The following PTK6 variants were observed in gnomAD, a reference collection of about 807,000 sequenced individuals.
PTK6 encodes the protein protein tyrosine kinase 6.
Under a neutral mutation model 47.5 loss-of-function variants are expected in PTK6, and 47 were observed. That is an observed-to-expected ratio of 0.99 (90% CI 0.78 to 1.26). The LOEUF (loss-of-function observed/expected upper bound fraction) is 1.26. Ranked by LOEUF, PTK6 falls within the 50% of genes most tolerant of loss-of-function variation. The pLI is 0.00. For synonymous variants in PTK6, 287 were observed against 276.5 expected (o/e 1.04, Z -0.38); for missense variants, 618 against 625.3 (o/e 0.99, Z 0.12).
chr20:63,530,175 T>G lies in PTK6; in HGVS notation c.1071A>C (p.Glu357Asp). 1 of 1,614,016 alleles carries G rather than the reference T, an allele frequency of 6.2e-7. No homozygotes were observed. The highest frequency in any genetic ancestry group is 8.5e-7 in the Non-Finnish European group (1 of 1,179,978). ...TGGAGTAATGGCCTCGGGAGAGCGC[T>G]TCAGGGGCCGTCCACTTGTAGGGGA... ...HNIPYKWTAPEALSRGHYSTK... is the reference protein window; with the variant it reads ...HNIPYKWTAPDALSRGHYSTK... Residue 357 changes from glutamate (E) to aspartate (D), a missense_variant, in exon 7 of 8, where the codon GAA becomes GAC. Coordinates refer to ENST00000542869, the MANE Select transcript of PTK6 (RefSeq NM_005975.4). This position sits in a 1 kb window ranked among gnomAD's most constrained non-coding sequence, Gnocchi z 4.1.
chr20:63,530,686 C>T lies in PTK6; in HGVS notation c.1014+60G>A, dbSNP rs1340891788. The T allele has an allele frequency of 1.9e-6, 3 of 1,564,592 alleles. No homozygotes were observed. The African/African-American group carries it at 4.1e-5, about 21-fold the overall frequency. On this transcript the variant is annotated intron_variant, in intron 6 of 7. Coordinates refer to ENST00000542869, the MANE Select transcript of PTK6 (RefSeq NM_005975.4). This position sits in a 1 kb window ranked among gnomAD's most constrained non-coding sequence, Gnocchi z 4.1. ...AGTCCCCAGCTCCACACACAGGAAGCCCCCAGCCCTCCGGCCACGCCCCGG... is the reference window on the plus strand; with the variant it reads ...AGTCCCCAGCTCCACACACAGGAAGTCCCCAGCCCTCCGGCCACGCCCCGG...
At position 63,530,586 on chromosome 20, in the gene PTK6, G is replaced by A. The variant is rs555308103; in HGVS notation, c.1014+160C>T. Among the ~76,000 whole-genome samples the A allele has an allele frequency of 6.6e-5, 10 of 152,270 alleles. No individual in the cohort carries two copies. The highest frequency in any genetic ancestry group is 1.9e-4 in the East Asian group (1 of 5,172). On this transcript the variant is annotated intron_variant, in intron 6 of 7. Coordinates refer to ENST00000542869, the MANE Select transcript of PTK6 (RefSeq NM_005975.4). The surrounding 1 kb of genome is among the most constrained non-coding windows in gnomAD (Gnocchi z 4.1). ...TGCCATTCAGAATGGGGGCCCCACCGGACTCACGGTGGCTTCCCACCTCCC... is the reference window on the plus strand; with the variant it reads ...TGCCATTCAGAATGGGGGCCCCACCAGACTCACGGTGGCTTCCCACCTCCC...
At chr20:63,534,342 G>A (rs1210962466) in intron 2 of PTK6, 27 bp from the exon 3 acceptor site, 4 of 1,573,918 alleles carry the variant, frequency 2.5e-6, no homozygotes, top group Non-Finnish European at 3.4e-6. Flanking sequence ...GAGCTGTGTG[G>A]CCACCCCAAC....
Position 63,530,069 on chromosome 20 carries a change from G to A in PTK6, c.1168+9C>T, listed in dbSNP as rs6011874. On this transcript the variant is annotated intron_variant, in intron 7 of 7. Transcript: ENST00000542869. This position sits in a 1 kb window ranked among gnomAD's most constrained non-coding sequence, Gnocchi z 4.1. ...TCTCATGCCCAGTCAGGGACAGTGG[G>A]GACAGTACCTGGGTAGGGCACCTGA... 0.03 allele frequency: 49,070 copies of A among 1,613,226 alleles called. 1,100 individuals are homozygous for A. Among genetic ancestry groups the A allele is most frequent in the African/African-American group, 0.11 (7,969 of 75,040 alleles).
chr20:63,531,538 C>T (rs1303864154), intron 5 of PTK6, among the ~76,000 whole-genome samples: 1 of 148,768 alleles, frequency 6.7e-6, no homozygotes. Flanking sequence ...TCATTTGAAC[C>T]CAGGAGGTGG....
Position 63,535,078 on chromosome 20 carries a change from A to G in PTK6, c.231-19T>C, listed in dbSNP as rs1454522565. On this transcript the variant is annotated intron_variant, in intron 1 of 7. Transcript: ENST00000542869. ...GAACCACCTGCAGGGGAGGAGTCTG[A>G]GAACACGCGGACCTGGGCCCACCCC... The G allele has an allele frequency of 3.2e-6, 5 of 1,582,942 alleles. No homozygotes were observed. Among genetic ancestry groups the G allele is most frequent in the Non-Finnish European group, 3.5e-6 (4 of 1,158,420 alleles).
At position 63,529,878 on chromosome 20, in the gene PTK6, T is replaced by C. The variant is rs2082604128; in HGVS notation, c.1169-155A>G. ...CAGCACACTGTCCACTGCTAACACC[T>C]CCCTCTGGACAGGGCTCCAACAGGC... On this transcript the variant is annotated intron_variant, in intron 7 of 7. Transcript: ENST00000542869. The surrounding 1 kb of genome is among the most constrained non-coding windows in gnomAD (Gnocchi z 5.6). 6.6e-6 allele frequency among the ~76,000 whole-genome samples: 1 copy of C among 152,024 alleles called. No individual in the cohort carries two copies. Among genetic ancestry groups the C allele is most frequent in the Admixed American group, 6.5e-5 (1 of 15,268 alleles).
chr20:63,529,470 C>G lies in PTK6; in HGVS notation c.*66G>C. Reference sequence around the variant, plus strand: ...CCAGGGAAGCGCGTGGGCCTTGATCCCAGGTCCAGGCCCTCTGCCCAGGCC... The same window carrying G: ...CCAGGGAAGCGCGTGGGCCTTGATCGCAGGTCCAGGCCCTCTGCCCAGGCC... On this transcript the variant is annotated 3_prime_UTR_variant, in exon 8 of 8. Coordinates refer to ENST00000542869, the MANE Select transcript of PTK6 (RefSeq NM_005975.4). This position sits in a 1 kb window ranked among gnomAD's most constrained non-coding sequence, Gnocchi z 5.6. 6.9e-7 allele frequency: 1 copy of G among 1,446,222 alleles called. No individual in the cohort carries two copies. The highest frequency in any genetic ancestry group is 9.1e-7 in the Non-Finnish European group (1 of 1,093,134). 89.6% of individuals were successfully genotyped at this position (1,446,222 alleles called of 1,614,324 possible). A position where few individuals can be genotyped will look rare whatever the true frequency, so the allele number is the denominator to read the frequency against.
intron 5 of PTK6, 102 bp from the exon 6 acceptor site, chr20:63,531,029 G>A (rs962775816): frequency 1.5e-5 from 17 of 1,143,920 alleles, no homozygotes; most frequent in East Asian, 2.8e-5. Context: ...CAAGCTCTGC[G>A]GGCTCAGAGG....
Position 63,530,283 on chromosome 20 carries a change from C to A in PTK6, c.1015-52G>T, listed in dbSNP as rs943515536. ...CCGTGGGGGCTGCCTGTGCCCTGCC[C>A]CCGAAGCATGGACGGGCACAGCGGC... On this transcript the variant is annotated intron_variant, in intron 6 of 7. Coordinates refer to ENST00000542869, the MANE Select transcript of PTK6 (RefSeq NM_005975.4). This position sits in a 1 kb window ranked among gnomAD's most constrained non-coding sequence, Gnocchi z 4.1. 1.3e-6 allele frequency: 2 copies of A among 1,599,738 alleles called. No individual in the cohort carries two copies. The highest frequency in any genetic ancestry group is 1.7e-5 in the Admixed American group (1 of 59,560).
intron 1 of PTK6, among the ~76,000 whole-genome samples, chr20:63,536,176 A>G (rs868771719): frequency 0.041 from 274 of 6,680 alleles, no homozygotes; most frequent in Middle Eastern, 0.25. Context: ...CTGGCCTCCC[A>G]CCCCCTCCTC....
chr20:63,532,622 G>A lies in PTK6; in HGVS notation c.736C>T (p.His246Tyr). Residue 246 changes from histidine to tyrosine, a missense_variant, in exon 5 of 8, where the codon CAC becomes TAC. Coordinates refer to ENST00000542869, the MANE Select transcript of PTK6 (RefSeq NM_005975.4). ...ACCACGGCGTACAGCGCCAGGATGT[G>A]TTTGTGCCGCAGCTTCTTCATGGCC... is the stretch of plus-strand genomic sequence containing the variant. ...IQAMKKLRHK[H>Y]ILALYAVVSV... 1.2e-6 allele frequency: 2 copies of A among 1,614,144 alleles called. No homozygotes were observed. Among genetic ancestry groups the A allele is most frequent in the South Asian group, 1.1e-5 (1 of 91,090 alleles).
chr20:63,532,791 G>A, intron 4 of PTK6, 104 bp from the exon 5 acceptor site: 2 of 1,441,568 alleles, frequency 1.4e-6, no homozygotes, highest in South Asian at 1.3e-5. Flanking sequence ...ACACCCAGCA[G>A]CTGTGCAGGA....
chr20:63,532,234 G>A (rs1029636492), intron 5 of PTK6, among the ~76,000 whole-genome samples: 1 of 147,998 alleles, frequency 6.8e-6, no homozygotes, highest in Non-Finnish European at 1.5e-5. Flanking sequence ...GATCTGTTTT[G>A]TGTGTCTCTG....
At chr20:63,534,035 C>A in intron 3 of PTK6, 117 bp downstream of exon 3, 2 of 1,331,660 alleles carry the variant, frequency 1.5e-6, no homozygotes, top group South Asian at 3.0e-5. Flanking sequence ...CAGTGGGCCC[C>A]AGGTCAGTGA....
At chr20:63,534,430 G>A (rs1037344713) in intron 2 of PTK6, 115 bp from the exon 3 acceptor site, 2 of 1,316,002 alleles carry the variant, frequency 1.5e-6, no homozygotes, top group Admixed American at 2.5e-5. Flanking sequence ...TGCTGTTGGT[G>A]CTTCCTCAGT....
At chr20:63,531,037 A>C in intron 5 of PTK6, 110 bp from the exon 6 acceptor site, 1 of 1,077,712 alleles carries the variant, frequency 9.3e-7, no homozygotes, top group Non-Finnish European at 1.3e-6. Context: ...GCGGGCTCAG[A>C]GGAGGGGCCG....
rs766253414 is a variant in PTK6 at position 63,530,882 on chromosome 20, G to A, written c.878C>T (p.Ala293Val). Residue 293 changes from alanine to valine, a missense_variant, in exon 6 of 8, where the codon GCC becomes GTC. Transcript: ENST00000542869. The surrounding 1 kb of genome is among the most constrained non-coding windows in gnomAD (Gnocchi z 4.1). The part of the protein sequence containing the change: ...VLPVSELLDI[A>V]WQVAEGMCYL... ...ACACATGCCCTCAGCCACCTGCCAGGCGATGTCCAGCAGCTCCGAAACGGG... is the reference window on the plus strand; with the variant it reads ...ACACATGCCCTCAGCCACCTGCCAGACGATGTCCAGCAGCTCCGAAACGGG... 9.9e-6 allele frequency: 16 copies of A among 1,613,724 alleles called. No homozygotes were observed. The highest frequency in any genetic ancestry group is 1.4e-5 in the Non-Finnish European group (16 of 1,179,902).
At chr20:63,532,411 CTGTG>C (rs890536115) in intron 5 of PTK6, 111 bp downstream of exon 5, 10 of 1,313,308 alleles carry the variant, frequency 7.6e-6, no homozygotes, top group Admixed American at 2.1e-5. Context: ...ATGTGTGTGT[CTGTG>C]TGTCTGTGTG....
Sources: gnomAD v4.1 joint callset for allele counts (sites outside exome capture counted in the v4.1 genomes callset) on GRCh38, gnomAD v4.1.1 for gene constraint, Gnocchi (gnomAD v3.1) non-coding constraint, MANE v1.5 for transcripts, NCBI Gene and HGNC (gene_info 2026-07-23, HGNC 2026-07-21) for gene names.